Variants in PRCP observed in about 807,000 individuals in gnomAD.
The protein encoded by PRCP is lysosomal Pro-X carboxypeptidase.
A neutral mutation model predicts 54.2 loss-of-function variants in PRCP; 46 were observed. The ratio of observed to expected loss-of-function variants is 0.85; its 90% CI spans 0.67 to 1.09. PRCP has a LOEUF of 1.09. Ranked by LOEUF, PRCP falls within the 50% of genes least tolerant of loss-of-function variation. The pLI is 0.00. For synonymous variants in PRCP, 240 were observed against 212.2 expected (o/e 1.13, Z -1.14); for missense variants, 613 against 596.8 (o/e 1.03, Z -0.28).
intron 1 of PRCP, among the ~76,000 whole-genome samples, chr11:82,898,899 C>T (rs1241681378): frequency 6.6e-6 from 1 of 152,200 alleles, no homozygotes; most frequent in Non-Finnish European, 1.5e-5. Context: ...AATCCCAGCC[C>T]TTTGGGAGGC....
chr11:82,889,809 C>T (rs1859961628), intron 1 of PRCP, among the ~76,000 whole-genome samples: 1 of 152,120 alleles, frequency 6.6e-6, no homozygotes, highest in Non-Finnish European at 1.5e-5. Context: ...GGATTTTGTT[C>T]TTAATAAAGC....
At chr11:82,886,313 G>C (rs576473172) in intron 1 of PRCP, among the ~76,000 whole-genome samples, 1 of 152,054 alleles carries the variant, frequency 6.6e-6, no homozygotes, top group East Asian at 1.9e-4. Flanking sequence ...TTGACAGGGT[G>C]TCATTCTGTC....
At chr11:82,898,874 G>C (rs1300922201) in intron 1 of PRCP, among the ~76,000 whole-genome samples, 1 of 152,208 alleles carries the variant, frequency 6.6e-6, no homozygotes. Flanking sequence ...TGGGGACACA[G>C]TGGCACACGC....
chr11:82,894,498 T>C (rs148142230), intron 1 of PRCP, among the ~76,000 whole-genome samples: 1 of 152,300 alleles, frequency 6.6e-6, no homozygotes, highest in African/African-American at 2.4e-5. Context: ...AACAAAATTA[T>C]AGGTAAATCA....
At chr11:82,898,882 C>T (rs540838567) in intron 1 of PRCP, among the ~76,000 whole-genome samples, 3 of 152,236 alleles carry the variant, frequency 2.0e-5, no homozygotes, top group Non-Finnish European at 2.9e-5. Flanking sequence ...CAGTGGCACA[C>T]GCCTGCAATC....
intron 8 of PRCP, among the ~76,000 whole-genome samples, chr11:82,834,301 G>A (rs1301258599): frequency 6.6e-6 from 1 of 152,162 alleles, no homozygotes; most frequent in South Asian, 2.1e-4. Flanking sequence ...TTATATTTAG[G>A]TCTTTTTCAA....
At chr11:82,825,225 A>G in intron 8 of PRCP, 103 bp from the exon 9 acceptor site, 1 of 1,030,342 alleles carries the variant, frequency 9.7e-7, no homozygotes, top group Non-Finnish European at 1.4e-6. Flanking sequence ...CTAAAATTAT[A>G]AACTTGTAAC....
At chr11:82,894,012 A>T (rs1431024135) in intron 1 of PRCP, among the ~76,000 whole-genome samples, 5 of 152,104 alleles carry the variant, frequency 3.3e-5, no homozygotes, top group African/African-American at 4.8e-5. Context: ...TTCATCTCTT[A>T]CTCCTTATTC....
intron 1 of PRCP, among the ~76,000 whole-genome samples, chr11:82,896,022 G>T (rs1424642576): frequency 6.6e-6 from 1 of 152,200 alleles, no homozygotes; most frequent in Non-Finnish European, 1.5e-5. Context: ...AATAGGAATA[G>T]CTGGGTACTA....
chr11:82,875,532 T>G (rs1048336716), intron 1 of PRCP, among the ~76,000 whole-genome samples: 1 of 152,236 alleles, frequency 6.6e-6, no homozygotes, highest in African/African-American at 2.4e-5. Context: ...TAATTAATAC[T>G]GAGCCTCCTC....
chr11:82,868,007 A>T (rs1435604968), intron 1 of PRCP, among the ~76,000 whole-genome samples: 1 of 152,182 alleles, frequency 6.6e-6, no homozygotes. Context: ...TTTCTTTTCT[A>T]AATAAATATA....
intron 1 of PRCP, among the ~76,000 whole-genome samples, chr11:82,873,831 A>C (rs1481346726): frequency 1.3e-5 from 2 of 152,212 alleles, no homozygotes; most frequent in Non-Finnish European, 2.9e-5. Flanking sequence ...CATGATGTTA[A>C]AGCACTCTGG....
intron 1 of PRCP, among the ~76,000 whole-genome samples, chr11:82,877,464 G>T (rs1007336029): frequency 6.6e-6 from 1 of 152,156 alleles, no homozygotes. Flanking sequence ...GGAAAAAGTG[G>T]TTACGTGGGC....
chr11:82,878,659 T>G (rs1300063296), intron 1 of PRCP, among the ~76,000 whole-genome samples: 1 of 152,244 alleles, frequency 6.6e-6, no homozygotes, highest in Admixed American at 6.5e-5. Context: ...TAATTCAGCA[T>G]GTTTTTGCAG....
intron 1 of PRCP, among the ~76,000 whole-genome samples, chr11:82,889,690 A>G (rs1859956998): frequency 6.6e-6 from 1 of 152,218 alleles, no homozygotes; most frequent in South Asian, 2.1e-4. Context: ...GGCAAAGGGA[A>G]CAATGTGGAT....
intron 6 of PRCP, among the ~76,000 whole-genome samples, chr11:82,846,423 T>C (rs770203409): frequency 6.6e-6 from 1 of 151,768 alleles, no homozygotes; most frequent in Non-Finnish European, 1.5e-5. Flanking sequence ...ACAGAGGCAA[T>C]GGAATTTCTC....
intron 1 of PRCP, among the ~76,000 whole-genome samples, chr11:82,872,239 G>A (rs1318826319): frequency 2.0e-5 from 3 of 152,184 alleles, no homozygotes; most frequent in Non-Finnish European, 2.9e-5. Context: ...CCCCCGCGAA[G>A]AAGGGAGGAC....
At chr11:82,881,547 G>A (rs1301350735) in intron 1 of PRCP, among the ~76,000 whole-genome samples, 1 of 152,142 alleles carries the variant, frequency 6.6e-6, no homozygotes, top group Non-Finnish European at 1.5e-5. Flanking sequence ...TGGACAAAAG[G>A]AGAGGAGAAA....
intron 8 of PRCP, chr11:82,836,195 GGAAAAAAAAA>G (rs1047620323): frequency 0.021 from 1,682 of 79,442 alleles, 46 homozygotes; most frequent in African/African-American, 0.084. Flanking sequence ...TCCATCTCGA[GGAAAAAAAAA>G]AAAAAAAAAA....
Sources: allele counts gnomAD v4.1 joint callset (sites outside exome capture counted in the v4.1 genomes callset), GRCh38; gene constraint gnomAD v4.1.1; transcripts MANE v1.5; gene names NCBI Gene and HGNC (gene_info 2026-07-23, HGNC 2026-07-21).